The following C10orf90 variants were observed in gnomAD, a reference collection of about 807,000 sequenced individuals.
C10orf90 encodes (E2-independent) E3 ubiquitin-conjugating enzyme FATS.
In C10orf90, 56 loss-of-function variants were observed where a neutral mutation model predicts 62.5. The observed-to-expected ratio is 0.90, with a 90% CI of 0.72 to 1.12. C10orf90 has a LOEUF of 1.12. Ranked by LOEUF, C10orf90 falls within the 50% of genes most tolerant of loss-of-function variation. The pLI is 0.00. For missense variants in C10orf90, 970 were observed against 880.4 expected (o/e 1.10, Z -1.29); for synonymous variants, 386 against 340.4 (o/e 1.13, Z -1.47).
At chr10:126,589,523 C>G (rs923839666) in intron 2 of C10orf90, among the ~76,000 whole-genome samples, 18 of 152,180 alleles carry the variant, frequency 1.2e-4, no homozygotes, top group African/African-American at 4.3e-4. Context: ...AGAAACCCTA[C>G]AAGCCAGAAG....
At chr10:126,593,362 AG>A (rs1323900614) in intron 2 of C10orf90, among the ~76,000 whole-genome samples, 1 of 152,206 alleles carries the variant, frequency 6.6e-6, no homozygotes, top group Non-Finnish European at 1.5e-5. Context: ...AGCCATAAAA[AG>A]AAACAAAATC....
At chr10:126,515,839 G>C (rs1863410890) in intron 2 of C10orf90, among the ~76,000 whole-genome samples, 2 of 152,242 alleles carry the variant, frequency 1.3e-5, no homozygotes, top group Admixed American at 6.5e-5. Context: ...GTGACAGTGA[G>C]CGCCATCAGC....
chr10:126,609,637 C>T (rs1845389241), intron 2 of C10orf90, among the ~76,000 whole-genome samples: 1 of 152,184 alleles, frequency 6.6e-6, no homozygotes, highest in Admixed American at 6.5e-5. Flanking sequence ...GGCAAGGGTG[C>T]ATGATGGGGT....
intron 2 of C10orf90, among the ~76,000 whole-genome samples, chr10:126,599,521 A>T (rs1402097918): frequency 6.6e-6 from 1 of 151,744 alleles, no homozygotes; most frequent in Non-Finnish European, 1.5e-5. Flanking sequence ...CATTCAATTG[A>T]TGGAAAGGCA....
chr10:126,562,275 G>T (rs894168377), intron 2 of C10orf90, among the ~76,000 whole-genome samples: 8 of 151,888 alleles, frequency 5.3e-5, no homozygotes, highest in Non-Finnish European at 2.9e-5. Flanking sequence ...GCCACCCCCT[G>T]CCCTCCCTTA....
At chr10:126,641,338 A>T (rs1846053983) in intron 2 of C10orf90, among the ~76,000 whole-genome samples, 1 of 152,192 alleles carries the variant, frequency 6.6e-6, no homozygotes, top group African/African-American at 2.4e-5. Context: ...AAAATCTGGA[A>T]TAAAAGAACA....
At chr10:126,553,557 A>G (rs970227570) in intron 2 of C10orf90, among the ~76,000 whole-genome samples, 3 of 152,276 alleles carry the variant, frequency 2.0e-5, no homozygotes, top group East Asian at 3.9e-4. Flanking sequence ...TCATAGCACA[A>G]TGCATTACCT....
At chr10:126,513,815 C>CTGACTATTCTAGAAGTTAGAA in intron 3 of C10orf90, 33 bp downstream of exon 3, 1 of 1,390,168 alleles carries the variant, frequency 7.2e-7, no homozygotes, top group Non-Finnish European at 1.0e-6. Context: ...GTGCATTTTG[C>CTGACTATTCTAGAAGTTAGAA]TGACTATTCT....
chr10:126,502,173 G>T (rs1207718574), intron 4 of C10orf90, among the ~76,000 whole-genome samples: 2 of 151,704 alleles, frequency 1.3e-5, no homozygotes, highest in Admixed American at 6.6e-5. Context: ...CTTGGGTGAC[G>T]GGTGCCCTAA....
intron 2 of C10orf90, among the ~76,000 whole-genome samples, chr10:126,581,433 G>C (rs1344520878): frequency 6.6e-6 from 1 of 152,146 alleles, no homozygotes; most frequent in Non-Finnish European, 1.5e-5. Context: ...CATGCTGGCT[G>C]GTCCTGTCAT....
intron 7 of C10orf90, among the ~76,000 whole-genome samples, chr10:126,448,975 C>T (rs1397535105): frequency 1.3e-5 from 2 of 152,096 alleles, no homozygotes; most frequent in Admixed American, 6.6e-5. Context: ...GAATTAATAC[C>T]ATCCTTCTCA....
At chr10:126,509,276 C>T (rs912788824) in intron 3 of C10orf90, among the ~76,000 whole-genome samples, 5 of 152,090 alleles carry the variant, frequency 3.3e-5, no homozygotes, top group African/African-American at 1.2e-4. Flanking sequence ...TGACGAATGC[C>T]CAGTTCCAAA....
intron 2 of C10orf90, among the ~76,000 whole-genome samples, chr10:126,552,209 T>A (rs1237923298): frequency 2.0e-5 from 3 of 152,182 alleles, no homozygotes; most frequent in African/African-American, 7.2e-5. Context: ...CCTCATATGT[T>A]TAGTTCATTG....
At chr10:126,563,892 A>G (rs961530524) in intron 2 of C10orf90, among the ~76,000 whole-genome samples, 1 of 152,204 alleles carries the variant, frequency 6.6e-6, no homozygotes, top group African/African-American at 2.4e-5. Flanking sequence ...AGTAAAGGCC[A>G]TGACCACGGA....
chr10:126,426,809 C>CA lies in C10orf90; in HGVS notation c.2253-720dup, dbSNP rs201359568. Among the ~76,000 whole-genome samples, 858 of 152,258 alleles carry CA rather than the reference C, an allele frequency of 5.6e-3. 11 individuals carry two copies. The highest frequency in any genetic ancestry group is 0.02 in the African/African-American group (816 of 41,552). ...CTTTCTCTCTCTCGTGTTTGAAAGC[C>CA]AGATATGATATAGTGAAGATGTTCC... is the stretch of plus-strand genomic sequence containing the variant. On this transcript the variant is annotated intron_variant, in intron 8 of 9. Transcript: ENST00000488181.
At chr10:126,623,210 C>T (rs1845680318) in intron 2 of C10orf90, among the ~76,000 whole-genome samples, 1 of 152,142 alleles carries the variant, frequency 6.6e-6, no homozygotes, top group African/African-American at 2.4e-5. Context: ...TGGACTTCAC[C>T]ATGAGTATAA....
At chr10:126,510,531 A>C (rs559191384) in intron 3 of C10orf90, among the ~76,000 whole-genome samples, 54 of 152,364 alleles carry the variant, frequency 3.5e-4, no homozygotes, top group African/African-American at 1.3e-3. Flanking sequence ...ATTTAAAAGG[A>C]GGATGAAAAT....
chr10:126,537,391 C>G (rs757845769), intron 2 of C10orf90, among the ~76,000 whole-genome samples: 2 of 152,140 alleles, frequency 1.3e-5, no homozygotes, highest in Non-Finnish European at 2.9e-5. Flanking sequence ...AAAGCTATTG[C>G]CTAGCAACCT....
intron 4 of C10orf90, among the ~76,000 whole-genome samples, chr10:126,485,210 A>T (rs1590988520): frequency 6.6e-6 from 1 of 152,092 alleles, no homozygotes; most frequent in African/African-American, 2.4e-5. Context: ...CACGACAAAA[A>T]CTCAACAGTC....
Sources: gnomAD v4.1 joint callset for allele counts (sites outside exome capture counted in the v4.1 genomes callset) on GRCh38, gnomAD v4.1.1 for gene constraint, MANE v1.5 for transcripts, NCBI Gene and HGNC (gene_info 2026-07-23, HGNC 2026-07-21) for gene names.